The following NTM variants were observed in gnomAD, a reference collection of about 807,000 sequenced individuals.
The protein encoded by NTM is IgLON family member 2.
Under a neutral mutation model 42.1 loss-of-function variants are expected in NTM, and 13 were observed. That is an observed-to-expected ratio of 0.31 (90% CI 0.20 to 0.49). NTM has a LOEUF of 0.49. NTM is among the 20% of genes least tolerant of loss of function. The pLI is 0.99. For missense variants in NTM, 373 were observed against 452.8 expected, an observed-to-expected ratio of 0.82 and a Z score of 1.60; for synonymous variants, 187 against 179.2, an observed-to-expected ratio of 1.04 and a Z score of -0.35.
intron 4 of NTM, among the ~76,000 whole-genome samples, chr11:132,291,907 T>A (rs2094460578): frequency 6.6e-6 from 1 of 152,200 alleles, no homozygotes; most frequent in Non-Finnish European, 1.5e-5. Context: ...TGGATTGGAC[T>A]GGTTGAAGTG....
At chr11:131,540,313 T>C (rs1356011608) in intron 1 of NTM, among the ~76,000 whole-genome samples, 1 of 152,056 alleles carries the variant, frequency 6.6e-6, no homozygotes, top group Non-Finnish European at 1.5e-5. Flanking sequence ...TACAGGCGCA[T>C]GCCACCATGG....
intron 1 of NTM, among the ~76,000 whole-genome samples, chr11:131,519,917 G>C (rs12421163): frequency 0.13 from 19,180 of 148,388 alleles, 1,127 homozygotes; most frequent in East Asian, 0.24. Flanking sequence ...TTCATAGGAG[G>C]CTGCATCTTT....
Position 132,146,354 on chromosome 11 carries a change from C to T in NTM, c.240C>T (p.Asp80=). The part of the protein sequence containing the change: ...NRSTILYAGN[D]KWCLDPRVVL... ...GCACCATCCTCTATGCTGGGAATGA[C>T]AAGTGGTGCCTGGATCCTCGCGTGG... is the stretch of plus-strand genomic sequence containing the variant. The change falls in exon 3 of 9, where the codon GAC becomes GAT. Residue 80 remains aspartate, a synonymous_variant. Coordinates refer to ENST00000683400, the MANE Select transcript of NTM (RefSeq NM_001352005.2). The surrounding 1 kb of genome is among the most constrained non-coding windows in gnomAD (Gnocchi z 4.5). The T allele has an allele frequency of 6.2e-7, 1 of 1,614,220 alleles. No homozygotes were observed. The highest frequency in any genetic ancestry group is 8.5e-7 in the Non-Finnish European group (1 of 1,180,050).
rs116607068 is a variant in NTM at position 131,431,669 on chromosome 11, C to A, written c.82+60781C>A. ...TTGCAGTAAATATTTACCTTCTCAT[C>A]TGTTGCTCACAACCACCCTGGATCT... On this transcript the variant is annotated intron_variant, in intron 1 of 8. Coordinates refer to ENST00000683400, the MANE Select transcript of NTM (RefSeq NM_001352005.2). Among the ~76,000 whole-genome samples the A allele has an allele frequency of 1.6e-3, 248 of 152,350 alleles. 1 individual carries two copies. The highest frequency in any genetic ancestry group is 5.9e-3 in the African/African-American group (244 of 41,576).
chr11:131,794,152 C>T (rs1044376879), intron 1 of NTM, among the ~76,000 whole-genome samples: 11 of 152,200 alleles, frequency 7.2e-5, no homozygotes, highest in Middle Eastern at 6.8e-3. Context: ...TGGAGTGCCA[C>T]GGTGCGTGCT....
intron 1 of NTM, among the ~76,000 whole-genome samples, chr11:131,602,750 C>T (rs550363760): frequency 6.6e-6 from 1 of 152,242 alleles, no homozygotes; most frequent in African/African-American, 2.4e-5. Context: ...CCAAATTGAG[C>T]TCCCTTTTTA....
intron 1 of NTM, among the ~76,000 whole-genome samples, chr11:131,842,101 T>C (rs1253291705): frequency 6.6e-6 from 1 of 152,104 alleles, no homozygotes; most frequent in Non-Finnish European, 1.5e-5. Flanking sequence ...AGAACCTCAG[T>C]GGAGTCAGAG....
intron 1 of NTM, among the ~76,000 whole-genome samples, chr11:131,589,807 G>T (rs2059209266): frequency 6.6e-6 from 1 of 152,164 alleles, no homozygotes; most frequent in Admixed American, 6.5e-5. Context: ...CACTTATTGT[G>T]CCTCACCTGG....
intron 2 of NTM, among the ~76,000 whole-genome samples, chr11:132,071,209 CA>C: frequency 7.1e-6 from 1 of 140,498 alleles, no homozygotes; most frequent in African/African-American, 2.6e-5. Flanking sequence ...GTTAACACGT[CA>C]CACTGACCAT....
chr11:132,126,866 C>T (rs576859655), intron 2 of NTM, among the ~76,000 whole-genome samples: 54 of 152,242 alleles, frequency 3.5e-4, no homozygotes, highest in Non-Finnish European at 7.4e-5. Flanking sequence ...ACCCGCAAAG[C>T]GTGGTTTAAT....
intron 2 of NTM, among the ~76,000 whole-genome samples, chr11:132,145,388 C>A (rs1365553815): frequency 7.4e-6 from 1 of 135,028 alleles, no homozygotes. Context: ...GCATTATAGT[C>A]AGGATCAGGA....
chr11:131,554,550 A>C (rs1295615739), intron 1 of NTM, among the ~76,000 whole-genome samples: 2 of 151,760 alleles, frequency 1.3e-5, no homozygotes, highest in Non-Finnish European at 2.9e-5. Flanking sequence ...ATCTACAAAA[A>C]AAAAAAAAAA....
intron 1 of NTM, among the ~76,000 whole-genome samples, chr11:131,402,299 A>G (rs1208083138): frequency 1.3e-5 from 2 of 152,090 alleles, no homozygotes; most frequent in Admixed American, 6.5e-5. Context: ...TTACACAAGA[A>G]CTTGTCTAGG....
At chr11:132,177,949 A>G (rs961819977) in intron 3 of NTM, among the ~76,000 whole-genome samples, 6 of 152,242 alleles carry the variant, frequency 3.9e-5, no homozygotes, top group African/African-American at 1.2e-4. Context: ...TGTTGATTAT[A>G]AATGTTCCAA....
rs560691445 is a variant in NTM at position 131,717,389 on chromosome 11, G to C, written c.83-194175G>C. Among the ~76,000 whole-genome samples the C allele has an allele frequency of 6.2e-4, 94 of 152,156 alleles. 1 individual carries two copies. Among genetic ancestry groups the C allele is most frequent in the African/African-American group, 2.2e-3 (91 of 41,508 alleles). On this transcript the variant is annotated intron_variant, in intron 1 of 8. Coordinates refer to ENST00000683400, the MANE Select transcript of NTM (RefSeq NM_001352005.2). ...TTTAGTATATGTCTCTATTTATATA[G>C]GTCTTTAATTTCTTTCACTGCAATT...
chr11:132,125,163 A>T (rs572452707), intron 2 of NTM, among the ~76,000 whole-genome samples: 1 of 152,328 alleles, frequency 6.6e-6, no homozygotes, highest in South Asian at 2.1e-4. Context: ...GATGCAAACA[A>T]AGATGAGGCG....
intron 4 of NTM, among the ~76,000 whole-genome samples, chr11:132,294,012 C>T (rs1427647590): frequency 2.0e-5 from 3 of 152,052 alleles, no homozygotes; most frequent in Non-Finnish European, 4.4e-5. Flanking sequence ...GAGCTGATAC[C>T]AGGGTCTTCA....
intron 1 of NTM, among the ~76,000 whole-genome samples, chr11:131,708,302 A>G (rs2076788289): frequency 6.6e-6 from 1 of 152,168 alleles, no homozygotes; most frequent in Non-Finnish European, 1.5e-5. Context: ...TGTTCAAGAA[A>G]CATAACAAAC....
chr11:131,569,184 A>G (rs2057201861), intron 1 of NTM, among the ~76,000 whole-genome samples: 1 of 146,926 alleles, frequency 6.8e-6, no homozygotes, highest in South Asian at 2.1e-4. Context: ...CGCTCTCGTC[A>G]CCCAGGCTGG....
Sources: allele counts gnomAD v4.1 joint callset (sites outside exome capture counted in the v4.1 genomes callset), GRCh38; gene constraint gnomAD v4.1.1; non-coding constraint Gnocchi (gnomAD v3.1); transcripts MANE v1.5; gene names NCBI Gene and HGNC (gene_info 2026-07-23, HGNC 2026-07-21).